The following PDS5A variants were observed in gnomAD, a reference collection of about 807,000 sequenced individuals.
PDS5A encodes the protein PDS5 cohesin associated factor A.
A neutral mutation model predicts 167.1 loss-of-function variants in PDS5A; 42 were observed. The observed-to-expected ratio is 0.25, with a 90% confidence interval of 0.20 to 0.33. PDS5A has a LOEUF of 0.33. Among genes scored for constraint, PDS5A ranks in the 10% least tolerant of loss-of-function variants. The probability of loss-of-function intolerance (pLI) is 1.00; values close to 1 mark genes in which losing one functional copy is unlikely to be tolerated. For synonymous variants in PDS5A, 553 were observed against 554.6 expected (o/e 1.00, Z 0.04); for missense variants, 1,033 against 1,605.9 (o/e 0.64, Z 6.10).
intron 6 of PDS5A, among the ~76,000 whole-genome samples, chr4:39,921,583 T>TAAAAA (rs375091298): frequency 1.2e-5 from 1 of 86,846 alleles, no homozygotes; most frequent in Non-Finnish European, 2.2e-5. Context: ...AAAGAAAACT[T>TAAAAA]AAAAAAAAAA....
At chr4:39,940,222 G>GA (rs533536736) in intron 2 of PDS5A, among the ~76,000 whole-genome samples, 1 of 151,326 alleles carries the variant, frequency 6.6e-6, no homozygotes, top group Non-Finnish European at 1.5e-5. Context: ...CTGTCTGGAA[G>GA]AAAAAATAAA....
Position 39,892,831 on chromosome 4 carries a change from G to A in PDS5A, c.1771-2467C>T, listed in dbSNP as rs920326495. On this transcript the variant is annotated intron_variant, in intron 16 of 32. Transcript: ENST00000303538. ...GTTAAAAGATGGAGAGATTCATGAT[G>A]CTACATCATAACCTATTTTAAAGAT... 4.6e-5 allele frequency among the ~76,000 whole-genome samples: 7 copies of A among 152,324 alleles called. 1 individual carries two copies. The highest frequency in any genetic ancestry group is 4.6e-4 in the Admixed American group (7 of 15,302).
rs1408031598 is a variant in PDS5A, at chr4:39,977,723, C to T, written c.-307G>A. 6.7e-6 allele frequency: 1 copy of T among 149,608 alleles called. No homozygotes were observed. Among genetic ancestry groups the T allele is most frequent in the Non-Finnish European group, 1.5e-5 (1 of 66,970 alleles). 9.3% of individuals were successfully genotyped at this position (149,608 alleles called of 1,614,324 possible). ...CGAGGAAGAGCAGCCTCGAAGGCTC[C>T]TCCGGGAGTGTGTGCGCTTGTGTCC... On this transcript the variant is annotated 5_prime_UTR_variant, in exon 1 of 33. Transcript: ENST00000303538. This position sits in a 1 kb window ranked among gnomAD's most constrained non-coding sequence, Gnocchi z 4.2.
intron 11 of PDS5A, among the ~76,000 whole-genome samples, chr4:39,905,620 C>T (rs759513682): frequency 9.2e-5 from 14 of 152,002 alleles, no homozygotes; most frequent in African/African-American, 2.2e-4. Context: ...CTTTGAGGAA[C>T]GCTTTCAACA....
chr4:39,975,438 C>T (rs758344534), intron 2 of PDS5A, among the ~76,000 whole-genome samples: 3 of 152,216 alleles, frequency 2.0e-5, no homozygotes, highest in Admixed American at 6.5e-5. Flanking sequence ...TACATTTGGC[C>T]AAGTGGCCCA....
At chr4:39,898,107 C>T in intron 16 of PDS5A, 1 of 1,133,518 alleles carries the variant, frequency 8.8e-7, no homozygotes. Context: ...TCAGAAAATA[C>T]TTATCATTAC....
chr4:39,963,039 G>A (rs1729641987), intron 2 of PDS5A, among the ~76,000 whole-genome samples: 2 of 151,750 alleles, frequency 1.3e-5, no homozygotes, highest in Admixed American at 6.6e-5. Context: ...AAAAAATCAG[G>A]CCGACCTGGT....
At chr4:39,918,192 A>C (rs1724574345) in intron 7 of PDS5A, among the ~76,000 whole-genome samples, 1 of 151,484 alleles carries the variant, frequency 6.6e-6, no homozygotes, top group South Asian at 2.1e-4. Context: ...CAAAAAAAAA[A>C]AAAAAAAAAC....
At chr4:39,953,224 TTTGTCAC>T (rs1451946405) in intron 2 of PDS5A, among the ~76,000 whole-genome samples, 1 of 152,248 alleles carries the variant, frequency 6.6e-6, no homozygotes, top group East Asian at 1.9e-4. Context: ...TGAAGCTGAG[TTTGTCAC>T]TTGACCATTT....
At chr4:39,866,804 T>A in intron 23 of PDS5A, 57 bp downstream of exon 23, 3 of 1,506,802 alleles carry the variant, frequency 2.0e-6, no homozygotes, top group Non-Finnish European at 1.8e-6. Context: ...ATAATTCCTA[T>A]GTAAATTCCA....
At chr4:39,939,686 A>T (rs373474861) in intron 2 of PDS5A, among the ~76,000 whole-genome samples, 1 of 152,072 alleles carries the variant, frequency 6.6e-6, no homozygotes, top group East Asian at 1.9e-4. Flanking sequence ...AATCCCAGGT[A>T]CTTGGGTCAC....
intron 2 of PDS5A, among the ~76,000 whole-genome samples, chr4:39,969,917 A>T (rs915228448): frequency 6.6e-6 from 1 of 151,594 alleles, no homozygotes; most frequent in African/African-American, 2.4e-5. Flanking sequence ...AAATGTATGG[A>T]TAAATGTAAT....
At chr4:39,887,392 T>C (rs1560455750) in intron 17 of PDS5A, among the ~76,000 whole-genome samples, 1 of 152,242 alleles carries the variant, frequency 6.6e-6, no homozygotes, top group Non-Finnish European at 1.5e-5. Flanking sequence ...TTCTTGGTTC[T>C]ATTAATATGA....
intron 2 of PDS5A, among the ~76,000 whole-genome samples, chr4:39,963,138 G>A (rs1729652887): frequency 6.6e-6 from 1 of 151,884 alleles, no homozygotes; most frequent in South Asian, 2.1e-4. Context: ...GGACCAACAT[G>A]GCGAAACCCC....
At chr4:39,867,766 A>C (rs900765273) in intron 22 of PDS5A, among the ~76,000 whole-genome samples, 36 of 124,132 alleles carry the variant, frequency 2.9e-4, no homozygotes, top group Non-Finnish European at 4.9e-4. Context: ...ACACACACAC[A>C]CACACACACC....
intron 12 of PDS5A, 63 bp from the exon 13 acceptor site, chr4:39,902,523 T>A: frequency 1.7e-5 from 3 of 176,880 alleles, no homozygotes; most frequent in Non-Finnish European, 3.3e-5. Context: ...TAAGAAGCAA[T>A]TTTTTTTTTT....
chr4:39,918,837 G>T (rs1450127801), intron 7 of PDS5A, among the ~76,000 whole-genome samples: 1 of 151,910 alleles, frequency 6.6e-6, no homozygotes, highest in East Asian at 1.9e-4. Context: ...TGGGCAACAG[G>T]GCGAGACTCC....
intron 2 of PDS5A, among the ~76,000 whole-genome samples, chr4:39,939,588 G>C (rs2109763100): frequency 6.6e-6 from 1 of 152,268 alleles, no homozygotes; most frequent in East Asian, 1.9e-4. Flanking sequence ...GAGGTCAGGA[G>C]CTGGAGACCA....
rs35223238 is a variant in PDS5A, at chr4:39,970,790, CTTTTTTT to C, written c.138+5643_138+5649del. Among the ~76,000 whole-genome samples the C allele has an allele frequency of 5.2e-4, 46 of 88,490 alleles. 1 individual carries two copies. The highest frequency in any genetic ancestry group is 1.4e-3 in the African/African-American group (33 of 23,484). The allele number at this position is 88,490 out of a possible 152,430, so 58.1% of individuals were successfully genotyped here. A position where few individuals can be genotyped will look rare whatever the true frequency, so the allele number is the denominator to read the frequency against. On this transcript the variant is annotated intron_variant, in intron 2 of 32. Coordinates refer to ENST00000303538, the MANE Select transcript of PDS5A (RefSeq NM_001100399.2). ...GGTTCCACTGTAAAACCGCTTGTTC[CTTTTTTT>C]TTTTTTTTTTTTTTTTTTAAGACAA...
Sources: gnomAD v4.1 joint callset for allele counts (sites outside exome capture counted in the v4.1 genomes callset) on GRCh38, gnomAD v4.1.1 for gene constraint, Gnocchi (gnomAD v3.1) non-coding constraint, MANE v1.5 for transcripts, NCBI Gene and HGNC (gene_info 2026-07-23, HGNC 2026-07-21) for gene names.